PTPRT: variants seen among roughly 807,000 people sequenced by gnomAD.
The protein encoded by PTPRT is receptor-type tyrosine-protein phosphatase T.
PTPRT carries 56 observed loss-of-function variants against 176.8 expected under a neutral mutation model. The ratio of observed to expected loss-of-function variants is 0.32; its 90% confidence interval spans 0.26 to 0.40. The LOEUF is 0.40. PTPRT is among the 10% of genes least tolerant of loss of function. The probability of loss-of-function intolerance (pLI) is 1.00; values close to 1 mark genes in which losing one functional copy is unlikely to be tolerated. For missense variants in PTPRT, 1,540 were observed against 1,908.2 expected (o/e 0.81, Z 3.60); for synonymous variants, 783 against 739.0 (o/e 1.06, Z -0.96).
chr20:42,771,902 C>T (rs1875329167), intron 4 of PTPRT, among the ~76,000 whole-genome samples: 1 of 152,156 alleles, frequency 6.6e-6, no homozygotes, highest in Admixed American at 6.5e-5. Context: ...GTGAAATTGG[C>T]ACAAACATGC....
Position 42,618,736 on chromosome 20 carries a change from T to G in PTPRT, c.1153+59130A>C, listed in dbSNP as rs569221969. ...TTTTGATCTTTGTTGGTTTAAAGTCTGTTTTATCAGAGACTAGGATTGCAA... is the reference window on the plus strand; with the variant it reads ...TTTTGATCTTTGTTGGTTTAAAGTCGGTTTTATCAGAGACTAGGATTGCAA... On this transcript the variant is annotated intron_variant, in intron 7 of 30. Transcript: ENST00000373187. Among the ~76,000 whole-genome samples, 348 of 134,820 alleles carry G rather than the reference T, an allele frequency of 2.6e-3. 2 individuals are homozygous for G. Among genetic ancestry groups the G allele is most frequent in the Non-Finnish European group, 3.6e-3 (232 of 64,184 alleles). 88.4% of individuals were successfully genotyped at this position (134,820 alleles called of 152,430 possible).
intron 1 of PTPRT, among the ~76,000 whole-genome samples, chr20:43,152,387 G>T (rs1488852323): frequency 6.6e-6 from 1 of 152,150 alleles, no homozygotes; most frequent in Non-Finnish European, 1.5e-5. Context: ...AAATACATAT[G>T]AATTCATTGC....
chr20:43,187,219 T>C (rs2015415286), intron 1 of PTPRT, among the ~76,000 whole-genome samples: 1 of 152,206 alleles, frequency 6.6e-6, no homozygotes, highest in Non-Finnish European at 1.5e-5. Flanking sequence ...AAATTGAAAT[T>C]GCTTTCAAGA....
At chr20:42,171,916 T>A (rs1043425036) in intron 16 of PTPRT, among the ~76,000 whole-genome samples, 1 of 151,980 alleles carries the variant, frequency 6.6e-6, no homozygotes, top group East Asian at 1.9e-4. Context: ...GACGAACTCA[T>A]AGTAAAAAAT....
intron 13 of PTPRT, among the ~76,000 whole-genome samples, chr20:42,266,181 C>T (rs548542456): frequency 1.4e-4 from 22 of 152,194 alleles, no homozygotes; most frequent in Non-Finnish European, 2.9e-4. Flanking sequence ...CTCAGAAAGG[C>T]GAAAGGCTGA....
At chr20:42,657,384 C>T (rs2075143714) in intron 7 of PTPRT, among the ~76,000 whole-genome samples, 1 of 152,150 alleles carries the variant, frequency 6.6e-6, no homozygotes, top group Non-Finnish European at 1.5e-5. Context: ...CTCAGTTTTG[C>T]TGTTGACCTG....
intron 18 of PTPRT, among the ~76,000 whole-genome samples, chr20:42,138,423 A>G (rs1201075584): frequency 6.6e-6 from 1 of 152,168 alleles, no homozygotes; most frequent in African/African-American, 2.4e-5. Context: ...AACCCCTCCT[A>G]CGGAATCCTT....
At chr20:42,081,019 A>G (rs1252337735) in intron 30 of PTPRT, 87 bp from the exon 31 acceptor site, 2 of 1,158,798 alleles carry the variant, frequency 1.7e-6, no homozygotes, top group Admixed American at 2.0e-5. Flanking sequence ...TTTAGTTTAG[A>G]GATACAGATT....
chr20:42,154,596 T>G, intron 17 of PTPRT, among the ~76,000 whole-genome samples: 1 of 152,270 alleles, frequency 6.6e-6, no homozygotes, highest in East Asian at 1.9e-4. Context: ...TACCTTCTGG[T>G]TGCCCTACTG....
intron 12 of PTPRT, among the ~76,000 whole-genome samples, chr20:42,286,414 G>A (rs1021858375): frequency 7.3e-5 from 11 of 151,548 alleles, no homozygotes; most frequent in African/African-American, 2.4e-4. Flanking sequence ...TTTTAAAAAC[G>A]CCAAAATTAA....
chr20:42,525,017 G>A (rs148660356), intron 7 of PTPRT, among the ~76,000 whole-genome samples: 153 of 152,256 alleles, frequency 1.0e-3, no homozygotes, highest in African/African-American at 3.2e-3. Context: ...TTTTGAGACA[G>A]GGTTTTGCTC....
chr20:42,669,265 C>G (rs1216414859), intron 7 of PTPRT, among the ~76,000 whole-genome samples: 1 of 152,124 alleles, frequency 6.6e-6, no homozygotes, highest in East Asian at 1.9e-4. Context: ...CTGCACTGCA[C>G]AAGCAACTAT....
At chr20:42,922,183 C>A (rs543090061) in intron 1 of PTPRT, among the ~76,000 whole-genome samples, 1 of 152,160 alleles carries the variant, frequency 6.6e-6, no homozygotes, top group Admixed American at 6.5e-5. Flanking sequence ...ATCCACCCAC[C>A]TTGGCCTCCC....
At chr20:42,429,014 T>C (rs1335556850) in intron 9 of PTPRT, among the ~76,000 whole-genome samples, 1 of 152,156 alleles carries the variant, frequency 6.6e-6, no homozygotes, top group Non-Finnish European at 1.5e-5. Context: ...TTCACCATCA[T>C]TTATTGAGTG....
At chr20:43,170,227 C>T (rs755080984) in intron 1 of PTPRT, among the ~76,000 whole-genome samples, 11 of 152,060 alleles carry the variant, frequency 7.2e-5, no homozygotes, top group Admixed American at 1.3e-4. Flanking sequence ...TAAGCATGAT[C>T]ATCATTTCCA....
chr20:42,625,155 A>G (rs1457885385), intron 7 of PTPRT, among the ~76,000 whole-genome samples: 2 of 152,184 alleles, frequency 1.3e-5, no homozygotes, highest in Non-Finnish European at 2.9e-5. Context: ...ACAAGGGACA[A>G]TGGCAAAGGA....
chr20:42,842,790 T>C (rs2078301493), intron 2 of PTPRT, among the ~76,000 whole-genome samples: 1 of 152,214 alleles, frequency 6.6e-6, no homozygotes, highest in African/African-American at 2.4e-5. Context: ...CCATGTCTGA[T>C]GAAGGCCTCT....
chr20:42,732,567 A>C (rs957905977), intron 6 of PTPRT, among the ~76,000 whole-genome samples: 10 of 152,234 alleles, frequency 6.6e-5, no homozygotes, highest in African/African-American at 2.4e-4. Context: ...GACTGCGAGA[A>C]GAAGGTGAAG....
intron 1 of PTPRT, among the ~76,000 whole-genome samples, chr20:43,182,128 A>G (rs2015273503): frequency 6.6e-6 from 1 of 152,188 alleles, no homozygotes; most frequent in Non-Finnish European, 1.5e-5. Flanking sequence ...TCCCTAAGGG[A>G]TGACTACATA....
Sources: gnomAD v4.1 joint callset for allele counts (sites outside exome capture counted in the v4.1 genomes callset) on GRCh38, gnomAD v4.1.1 for gene constraint, MANE v1.5 for transcripts, NCBI Gene and HGNC (gene_info 2026-07-23, HGNC 2026-07-21) for gene names.